Variants in TAFA4 observed in about 807,000 individuals in gnomAD.
The protein encoded by TAFA4 is TAFA chemokine like family member 4.
In TAFA4, 20 loss-of-function variants were observed where a neutral mutation model predicts 21.1. The ratio of observed to expected loss-of-function variants is 0.95; its 90% CI spans 0.67 to 1.38. The LOEUF (loss-of-function observed/expected upper bound fraction) is 1.38. Ranked by LOEUF, TAFA4 falls within the 40% of genes most tolerant of loss-of-function variation. TAFA4 has a pLI of 0.00. For synonymous variants in TAFA4, 71 were observed against 67.4 expected, an observed-to-expected ratio of 1.05 and a Z score of -0.26; for missense variants, 211 against 180.9, an observed-to-expected ratio of 1.17 and a Z score of -0.95.
At chr3:68,816,816 T>C (rs979398402) in intron 3 of TAFA4, among the ~76,000 whole-genome samples, 2 of 152,262 alleles carry the variant, frequency 1.3e-5, no homozygotes, top group Non-Finnish European at 2.9e-5. Flanking sequence ...TATTCTACTG[T>C]AGTCTATTCA....
At chr3:68,743,676 A>ACTT (rs1702400703) in intron 4 of TAFA4, among the ~76,000 whole-genome samples, 2 of 151,922 alleles carry the variant, frequency 1.3e-5, no homozygotes, top group South Asian at 4.2e-4. Context: ...CTTTCAAAGC[A>ACTT]CTTCTACTTA....
At chr3:68,894,416 T>TC (rs2089764089) in intron 1 of TAFA4, among the ~76,000 whole-genome samples, 1 of 152,298 alleles carries the variant, frequency 6.6e-6, no homozygotes, top group East Asian at 1.9e-4. Context: ...TGCCTTGGGC[T>TC]CCCAAAGTAC....
intron 1 of TAFA4, among the ~76,000 whole-genome samples, chr3:68,906,398 A>G (rs1053304474): frequency 2.6e-5 from 4 of 152,252 alleles, no homozygotes; most frequent in Non-Finnish European, 5.9e-5. Context: ...AGCTACTATG[A>G]GACAGCTTTT....
chr3:68,762,551 G>A (rs1702775693), intron 3 of TAFA4, among the ~76,000 whole-genome samples: 1 of 152,118 alleles, frequency 6.6e-6, no homozygotes, highest in Non-Finnish European at 1.5e-5. Context: ...ACAGCCGATG[G>A]TCTATTTGCA....
intron 3 of TAFA4, among the ~76,000 whole-genome samples, chr3:68,861,264 T>C (rs900869028): frequency 1.3e-5 from 2 of 152,032 alleles, no homozygotes; most frequent in Admixed American, 1.3e-4. Context: ...TGAAGTATTC[T>C]GCAGCAATTG....
chr3:68,894,865 G>T (rs1056570719), intron 1 of TAFA4, among the ~76,000 whole-genome samples: 1 of 152,006 alleles, frequency 6.6e-6, no homozygotes, highest in Non-Finnish European at 1.5e-5. Context: ...GTTTTGTTTT[G>T]TTTTTTGTAA....
intron 5 of TAFA4, among the ~76,000 whole-genome samples, chr3:68,736,924 T>A (rs1411584179): frequency 6.6e-6 from 1 of 152,152 alleles, no homozygotes; most frequent in Non-Finnish European, 1.5e-5. Context: ...GTATTATCTT[T>A]CTACAACTTT....
chr3:68,917,180 C>T (rs1268347185), intron 1 of TAFA4, among the ~76,000 whole-genome samples: 1 of 152,098 alleles, frequency 6.6e-6, no homozygotes, highest in Non-Finnish European at 1.5e-5. Flanking sequence ...CAGAAGATTC[C>T]ACCCCAACCT....
intron 3 of TAFA4, among the ~76,000 whole-genome samples, chr3:68,763,793 A>T (rs1453703583): frequency 6.6e-6 from 1 of 151,916 alleles, no homozygotes; most frequent in Admixed American, 6.6e-5. Flanking sequence ...TCTCAAGATG[A>T]TAAACACCAT....
chr3:68,848,298 A>G (rs1450291408), intron 3 of TAFA4, among the ~76,000 whole-genome samples: 1 of 152,160 alleles, frequency 6.6e-6, no homozygotes, highest in Non-Finnish European at 1.5e-5. Flanking sequence ...TACCTCATAC[A>G]TGGCTCTAAG....
chr3:68,926,620 T>C (rs984066310), intron 1 of TAFA4, among the ~76,000 whole-genome samples: 6 of 152,046 alleles, frequency 3.9e-5, no homozygotes, highest in African/African-American at 9.7e-5. Context: ...TTGAATCAAA[T>C]AATTCTTTGC....
At chr3:68,859,768 A>G (rs1305128432) in intron 3 of TAFA4, among the ~76,000 whole-genome samples, 4 of 152,290 alleles carry the variant, frequency 2.6e-5, no homozygotes, top group Admixed American at 2.0e-4. Context: ...GACACCCAGA[A>G]TGCTAATAAA....
chr3:68,777,106 C>T (rs148533392), intron 3 of TAFA4, among the ~76,000 whole-genome samples: 115 of 150,732 alleles, frequency 7.6e-4, no homozygotes, highest in East Asian at 4.5e-3. Context: ...ATATATATAA[C>T]GAAATAATGA....
Position 68,851,229 on chromosome 3 carries a change from A to C in TAFA4, c.130+29501T>G, listed in dbSNP as rs367744111. On this transcript the variant is annotated intron_variant, in intron 3 of 5. Transcript: ENST00000295569. ...GAGCTGGAAGCCATTATCCTCAGCA[A>C]ACTGATGCAGGAACAGAAAACCAAA... Among the ~76,000 whole-genome samples, 14 of 152,266 alleles carry C rather than the reference A, an allele frequency of 9.2e-5. No homozygotes were observed. In the East Asian group the frequency reaches 1.2e-3, roughly 13 times the overall value.
At chr3:68,739,818 A>G (rs938214637) in intron 4 of TAFA4, among the ~76,000 whole-genome samples, 1 of 152,218 alleles carries the variant, frequency 6.6e-6, no homozygotes, top group Non-Finnish European at 1.5e-5. Context: ...TGAGAGCTGA[A>G]TAATGTGTAC....
At chr3:68,753,078 A>C (rs187111065) in intron 3 of TAFA4, 60 bp from the exon 4 acceptor site, 2 of 1,523,366 alleles carry the variant, frequency 1.3e-6, no homozygotes, top group African/African-American at 2.7e-5. Context: ...TGACACCACC[A>C]AAACCAAAAT....
intron 3 of TAFA4, among the ~76,000 whole-genome samples, chr3:68,804,390 A>G (rs1424725898): frequency 6.6e-6 from 1 of 152,182 alleles, no homozygotes; most frequent in Non-Finnish European, 1.5e-5. Flanking sequence ...TAATTTATAG[A>G]TTCAATGCCA....
chr3:68,752,123 G>T lies in TAFA4; in HGVS notation c.286+740C>A, dbSNP rs181052663. ...TGTGTGTTTTAACTGCTGACCTTTA[G>T]ACATGCATCAAATGAGACAGGAAAT... On this transcript the variant is annotated intron_variant, in intron 4 of 5. Transcript: ENST00000295569. 1.2e-3 allele frequency among the ~76,000 whole-genome samples: 186 copies of T among 152,284 alleles called. 2 individuals are homozygous for T. The highest frequency in any genetic ancestry group is 4.1e-3 in the African/African-American group (171 of 41,554).
intron 5 of TAFA4, among the ~76,000 whole-genome samples, chr3:68,734,290 G>A (rs969429465): frequency 2.0e-5 from 3 of 152,140 alleles, no homozygotes; most frequent in Non-Finnish European, 4.4e-5. Flanking sequence ...GCCAAGGGCT[G>A]GATTTGGCCT....
Sources: allele counts gnomAD v4.1 joint callset (sites outside exome capture counted in the v4.1 genomes callset), GRCh38; gene constraint gnomAD v4.1.1; transcripts MANE v1.5; gene names NCBI Gene and HGNC (gene_info 2026-07-23, HGNC 2026-07-21).